GRM1: variants seen among roughly 807,000 people sequenced by gnomAD.
The protein encoded by GRM1 is glutamate metabotropic receptor 1.
GRM1 carries 33 observed loss-of-function variants against 90.9 expected under a neutral mutation model. The observed-to-expected ratio is 0.36, with a 90% CI of 0.28 to 0.49. The LOEUF is 0.49. GRM1 is among the 20% of genes least tolerant of loss of function. The pLI is 0.99. For missense variants in GRM1, 1,190 were observed against 1,534.3 expected, an observed-to-expected ratio of 0.78 and a Z score of 3.75; for synonymous variants, 700 against 613.2, an observed-to-expected ratio of 1.14 and a Z score of -2.09.
intron 3 of GRM1, among the ~76,000 whole-genome samples, chr6:146,311,740 T>C (rs1351048430): frequency 1.3e-5 from 2 of 152,190 alleles, no homozygotes; most frequent in Non-Finnish European, 2.9e-5. Context: ...GTAACAGTGA[T>C]ACATGAGTAA....
At chr6:146,375,089 C>T (rs1345732952) in intron 5 of GRM1, among the ~76,000 whole-genome samples, 1 of 151,930 alleles carries the variant, frequency 6.6e-6, no homozygotes, top group African/African-American at 2.4e-5. Flanking sequence ...TAATTCATTT[C>T]AATAAATTTT....
At chr6:146,038,132 A>G (rs1208502840) in intron 1 of GRM1, among the ~76,000 whole-genome samples, 1 of 151,996 alleles carries the variant, frequency 6.6e-6, no homozygotes, top group Non-Finnish European at 1.5e-5. Context: ...GAAATGTAAA[A>G]TAAGACCAGA....
chr6:146,156,522 C>A (rs1347453627), intron 1 of GRM1, among the ~76,000 whole-genome samples: 1 of 152,156 alleles, frequency 6.6e-6, no homozygotes, highest in Non-Finnish European at 1.5e-5. Context: ...AAGGGGATCC[C>A]TTGCCTGGAG....
At chr6:146,040,727 A>C (rs1791067888) in intron 1 of GRM1, among the ~76,000 whole-genome samples, 1 of 151,804 alleles carries the variant, frequency 6.6e-6, no homozygotes, top group Admixed American at 6.6e-5. Flanking sequence ...GGGTAGTCTT[A>C]TTTGGGTGAA....
intron 7 of GRM1, among the ~76,000 whole-genome samples, chr6:146,424,863 C>T (rs1583480926): frequency 6.6e-6 from 1 of 152,208 alleles, no homozygotes; most frequent in Non-Finnish European, 1.5e-5. Context: ...TTACATATTA[C>T]TTCCCACTAC....
intron 1 of GRM1, among the ~76,000 whole-genome samples, chr6:146,122,798 C>T (rs1048697143): frequency 1.6e-5 from 2 of 123,648 alleles, no homozygotes; most frequent in Non-Finnish European, 3.5e-5. Context: ...TTAAAGTTTT[C>T]TGTGATTTCT....
In GRM1 at chr6:146,374,972, G is replaced by T. The variant is rs536414472; in HGVS notation, c.1603-11918G>T. On this transcript the variant is annotated intron_variant, in intron 5 of 7. Coordinates refer to ENST00000282753, the MANE Select transcript of GRM1 (RefSeq NM_001278064.2). Reference sequence around the variant, plus strand: ...TGCACTGTTAGATTGTTCATTTAAAGTTTTTTTCTCTTTTTTGATGTAGGC... The same window carrying T: ...TGCACTGTTAGATTGTTCATTTAAATTTTTTTTCTCTTTTTTGATGTAGGC... Among the ~76,000 whole-genome samples, 377 of 151,768 alleles carry T rather than the reference G, an allele frequency of 2.5e-3. 2 individuals are homozygous for T. The highest frequency in any genetic ancestry group is 8.8e-3 in the African/African-American group (366 of 41,468).
chr6:146,126,917 G>T (rs747261350), intron 1 of GRM1, among the ~76,000 whole-genome samples: 1 of 152,162 alleles, frequency 6.6e-6, no homozygotes, highest in Non-Finnish European at 1.5e-5. Flanking sequence ...AGGAGTAGGT[G>T]TGGATTCAAG....
chr6:146,176,105 G>C (rs1303745046), intron 2 of GRM1, among the ~76,000 whole-genome samples: 1 of 151,962 alleles, frequency 6.6e-6, no homozygotes, highest in African/African-American at 2.4e-5. Context: ...AGTGCTTTAG[G>C]CTTCATAGGT....
At chr6:146,321,133 A>T (rs1478818307) in intron 3 of GRM1, among the ~76,000 whole-genome samples, 1 of 152,096 alleles carries the variant, frequency 6.6e-6, no homozygotes, top group Non-Finnish European at 1.5e-5. Flanking sequence ...CCCTTTAAAC[A>T]CTGCTTTAGC....
At chr6:146,048,546 C>T (rs1791416080) in intron 1 of GRM1, among the ~76,000 whole-genome samples, 1 of 151,922 alleles carries the variant, frequency 6.6e-6, no homozygotes, top group South Asian at 2.1e-4. Flanking sequence ...CACCACACCC[C>T]CCAAAAAAGT....
intron 1 of GRM1, among the ~76,000 whole-genome samples, chr6:146,144,543 C>G (rs1051077268): frequency 9.9e-5 from 15 of 152,146 alleles, no homozygotes; most frequent in African/African-American, 3.6e-4. Context: ...TCTCAGTATC[C>G]ATCATTATAA....
chr6:146,418,037 T>G (rs1458444585), intron 7 of GRM1, among the ~76,000 whole-genome samples: 1 of 152,164 alleles, frequency 6.6e-6, no homozygotes, highest in Admixed American at 6.5e-5. Flanking sequence ...TTAAAATGTA[T>G]GTACAGTTAA....
Position 146,434,168 on chromosome 6 carries a change from C to T in GRM1, c.2957C>T (p.Ala986Val), listed in dbSNP as rs1175647957. 1 of 1,613,602 alleles carries T rather than the reference C, an allele frequency of 6.2e-7. No homozygotes were observed. Among genetic ancestry groups the T allele is most frequent in the Non-Finnish European group, 8.5e-7 (1 of 1,179,600 alleles). The change falls in exon 8 of 8, where the codon GCG becomes GTG. Residue 986 changes from alanine (A) to valine (V), a missense_variant. By Grantham distance (64) the Ala-to-Val change is moderately conservative. Around this residue, in one of 10 missense-constraint regions of GRM1, gnomAD observed 400 missense variants for 360.8 expected, o/e 1.11. Coordinates refer to ENST00000282753, the MANE Select transcript of GRM1 (RefSeq NM_001278064.2). ...MVVHRRVPSA[A>V]TTPPLPSHLT... Reference sequence around the variant, plus strand: ...GTGCACAGGCGCGTGCCAAGCGCGGCGACCACTCCGCCTCTGCCGTCCCAC... The same window carrying T: ...GTGCACAGGCGCGTGCCAAGCGCGGTGACCACTCCGCCTCTGCCGTCCCAC...
intron 7 of GRM1, among the ~76,000 whole-genome samples, chr6:146,424,018 AGCCCACAG>A (rs1393548709): frequency 3.9e-5 from 6 of 152,156 alleles, no homozygotes; most frequent in Admixed American, 3.9e-4. Flanking sequence ...GCACGTGCTC[AGCCCACAG>A]GCTGCCAGGT....
In GRM1 at chr6:146,236,354, G is replaced by T. The variant is rs962571470; in HGVS notation, c.951-68257G>T. 3.3e-5 allele frequency among the ~76,000 whole-genome samples: 5 copies of T among 152,260 alleles called. No individual in the cohort carries two copies. In the East Asian group the frequency reaches 9.7e-4, roughly 29 times the overall value. On this transcript the variant is annotated intron_variant, in intron 2 of 7. Transcript: ENST00000282753. Reference sequence around the variant, plus strand: ...TTAGAATGGAGGTTCGTTTGCTAGAGAGTTGTTCTCAATGGTTTTTCCACC... The same window carrying T: ...TTAGAATGGAGGTTCGTTTGCTAGATAGTTGTTCTCAATGGTTTTTCCACC...
At chr6:146,121,936 T>A (rs1358164674) in intron 1 of GRM1, among the ~76,000 whole-genome samples, 1 of 152,352 alleles carries the variant, frequency 6.6e-6, no homozygotes, top group East Asian at 1.9e-4. Flanking sequence ...GTTCTGTAGA[T>A]GTCTATTAGG....
intron 1 of GRM1, among the ~76,000 whole-genome samples, chr6:146,141,615 T>C (rs1322441418): frequency 6.6e-6 from 1 of 152,206 alleles, no homozygotes; most frequent in East Asian, 1.9e-4. Flanking sequence ...TTTCAAATAA[T>C]CCGTCTTCAA....
chr6:146,309,389 A>G lies in GRM1; in HGVS notation c.1186+4543A>G, dbSNP rs1472394883. ...ACTCTAGCCTGAGTGACAGAGCGAG[A>G]CTCTGTCTCAAAAAAAAAAAAACAG... is the stretch of plus-strand genomic sequence containing the variant. On this transcript the variant is annotated intron_variant, in intron 3 of 7. Coordinates refer to ENST00000282753, the MANE Select transcript of GRM1 (RefSeq NM_001278064.2). Among the ~76,000 whole-genome samples, 3 of 149,982 alleles carry G rather than the reference A, an allele frequency of 2.0e-5. No homozygotes were observed. In the East Asian group the frequency reaches 5.9e-4, roughly 30 times the overall value.
Sources: allele counts gnomAD v4.1 joint callset (sites outside exome capture counted in the v4.1 genomes callset), GRCh38; gene constraint gnomAD v4.1.1; regional missense constraint gnomAD v4.1.1; transcripts MANE v1.5; gene names NCBI Gene and HGNC (gene_info 2026-07-23, HGNC 2026-07-21).